SUDS3: variants seen among roughly 807,000 people sequenced by gnomAD.
SUDS3 encodes the protein SIN3A corepressor complex component SDS3, also known as sin3 histone deacetylase corepressor complex component SDS3.
A neutral mutation model predicts 53.5 loss-of-function variants in SUDS3; 23 were observed. That is an observed-to-expected ratio of 0.43 (90% CI 0.31 to 0.61). The LOEUF is 0.61. Among genes scored for constraint, SUDS3 ranks in the 20% least tolerant of loss-of-function variants. The pLI, the probability that SUDS3 is intolerant of heterozygous loss-of-function variation, is 0.10. For missense variants in SUDS3, 291 were observed against 405.9 expected (o/e 0.72, Z 2.43); for synonymous variants, 150 against 148.5 (o/e 1.01, Z -0.08).
rs932022535 is a variant in SUDS3, at chr12:118,417,404, A to G, written c.*2971A>G. 3.3e-5 allele frequency: 5 copies of G among 152,124 alleles called. No individual in the cohort carries two copies. Among genetic ancestry groups the G allele is most frequent in the African/African-American group, 1.2e-4 (5 of 41,500 alleles). 9.4% of individuals were successfully genotyped at this position (152,124 alleles called of 1,614,324 possible). ...CTGGAGAGAAGATTGTATTTTTTAC[A>G]GTTTTTTGGGTTTGGCTTCCTTCTC... On this transcript the variant is annotated 3_prime_UTR_variant, in exon 12 of 12. Transcript: ENST00000543473.
At chr12:118,410,216 G>A (rs2046346142) in intron 10 of SUDS3, among the ~76,000 whole-genome samples, 2 of 152,220 alleles carry the variant, frequency 1.3e-5, no homozygotes, top group African/African-American at 4.8e-5. Context: ...TGCTTAATGA[G>A]TATTTTTGAA....
intron 2 of SUDS3, among the ~76,000 whole-genome samples, chr12:118,381,814 C>T (rs866224448): frequency 2.0e-5 from 3 of 152,192 alleles, no homozygotes; most frequent in Admixed American, 6.5e-5. Flanking sequence ...TCACTTTTAG[C>T]GTACACCCAG....
chr12:118,414,126 C>T (rs556040649), intron 11 of SUDS3, among the ~76,000 whole-genome samples: 1 of 152,316 alleles, frequency 6.6e-6, no homozygotes, highest in East Asian at 1.9e-4. Flanking sequence ...GAAACGAGTT[C>T]AAGGCTGATG....
At chr12:118,379,509 G>C (rs1162620654) in intron 1 of SUDS3, among the ~76,000 whole-genome samples, 2 of 152,174 alleles carry the variant, frequency 1.3e-5, no homozygotes, top group Non-Finnish European at 2.9e-5. Flanking sequence ...TCAGAGACTT[G>C]AGCAGCTGAG....
chr12:118,409,105 C>T (rs1306571078), intron 10 of SUDS3, among the ~76,000 whole-genome samples: 1 of 151,766 alleles, frequency 6.6e-6, no homozygotes, highest in Non-Finnish European at 1.5e-5. Context: ...AACTTTAAAA[C>T]TTGCATTTAA....
Position 118,408,726 on chromosome 12 carries a change from G to C in SUDS3, c.804-2347G>C, listed in dbSNP as rs570243673. Among the ~76,000 whole-genome samples the C allele has an allele frequency of 4.0e-5, 6 of 151,400 alleles. No homozygotes were observed. The East Asian group carries it at 1.2e-3, about 29-fold the overall frequency. The stretch of plus-strand genomic sequence containing the variant: ...TTTTACCTACCAGTATATGGAGCAT[G>C]TTTCCACACTCGTAATATTCTACAC... On this transcript the variant is annotated intron_variant, in intron 10 of 11. Coordinates refer to ENST00000543473, the MANE Select transcript of SUDS3 (RefSeq NM_022491.3).
rs2046397880 is a variant in SUDS3 at position 118,416,034 on chromosome 12, C to T, written c.*1601C>T. 1 of 151,824 alleles carries T rather than the reference C, an allele frequency of 6.6e-6. No individual in the cohort carries two copies. Among genetic ancestry groups the T allele is most frequent in the Non-Finnish European group, 1.5e-5 (1 of 67,980 alleles). The allele number at this position is 151,824 out of a possible 1,614,324, so 9.4% of individuals were successfully genotyped here. ...TGTATTTCTTCTCTGCCCTCCAATC[C>T]CCGACTGCTATGATGTTTACTACAG... On this transcript the variant is annotated 3_prime_UTR_variant, in exon 12 of 12. Transcript: ENST00000543473.
chr12:118,390,907 C>T (rs1406662473), intron 5 of SUDS3: 1 of 621,628 alleles, frequency 1.6e-6, no homozygotes, highest in East Asian at 3.1e-5. Flanking sequence ...GAAAAAATAT[C>T]TGGGTAGCAA....
chr12:118,383,795 G>T (rs1410968687), intron 2 of SUDS3, among the ~76,000 whole-genome samples: 3 of 152,210 alleles, frequency 2.0e-5, no homozygotes, highest in Non-Finnish European at 4.4e-5. Flanking sequence ...TACAAAATTA[G>T]AATAAGATTG....
At chr12:118,398,808 T>A (rs61943402) in intron 6 of SUDS3, among the ~76,000 whole-genome samples, 8 of 152,024 alleles carry the variant, frequency 5.3e-5, no homozygotes, top group Non-Finnish European at 1.2e-4. Context: ...TATGCACCCC[T>A]ACTGTGCCAG....
chr12:118,413,833 A>G (rs2046378454), intron 11 of SUDS3, among the ~76,000 whole-genome samples: 2 of 152,112 alleles, frequency 1.3e-5, no homozygotes, highest in South Asian at 4.1e-4. Context: ...ATTAGTGGGC[A>G]TTTTTCTATT....
chr12:118,387,174 G>A (rs1449073585), intron 4 of SUDS3, among the ~76,000 whole-genome samples: 2 of 152,178 alleles, frequency 1.3e-5, no homozygotes, highest in Admixed American at 6.6e-5. Flanking sequence ...GCTATTAGCT[G>A]TCTGCCTTTC....
chr12:118,403,460 C>T lies in SUDS3; in HGVS notation c.746C>T (p.Pro249Leu), dbSNP rs764768024. ...TTGCCTGCAACACCCGCGGAATCTC[C>T]AGCCCAGAGGTTCGAAGCTCGGATA... ...EHLPATPAESPAQRFEARIED... is the reference protein window; with the variant it reads ...EHLPATPAESLAQRFEARIED... Residue 249 changes from proline (P) to leucine (L), a missense_variant, in exon 10 of 12, where the codon CCA becomes CTA. This residue lies in a region of SUDS3 where 77 missense variants were observed against 87.1 expected (regional missense o/e 0.88). Transcript: ENST00000543473. 3 of 1,613,772 alleles carry T rather than the reference C, an allele frequency of 1.9e-6. No individual in the cohort carries two copies. The highest frequency in any genetic ancestry group is 4.5e-5 in the East Asian group (2 of 44,878).
chr12:118,398,851 A>G (rs2141379107), intron 6 of SUDS3, among the ~76,000 whole-genome samples: 1 of 152,228 alleles, frequency 6.6e-6, no homozygotes, highest in East Asian at 1.9e-4. Flanking sequence ...GAATTCAGAC[A>G]TCCAAAGGGG....
chr12:118,413,972 T>C (rs1219775129), intron 11 of SUDS3, among the ~76,000 whole-genome samples: 3 of 152,224 alleles, frequency 2.0e-5, no homozygotes, highest in Non-Finnish European at 4.4e-5. Flanking sequence ...TGAAAGTTTG[T>C]GTTTATGAAT....
intron 4 of SUDS3, among the ~76,000 whole-genome samples, chr12:118,386,527 G>A (rs2055534): frequency 0.11 from 17,453 of 152,018 alleles, 1,263 homozygotes; most frequent in Middle Eastern, 0.19. Flanking sequence ...AAGGATTGTA[G>A]GTTGTTTTTG....
At chr12:118,377,377 A>G (rs1335264165) in intron 1 of SUDS3, among the ~76,000 whole-genome samples, 2 of 152,158 alleles carry the variant, frequency 1.3e-5, no homozygotes, top group Admixed American at 1.3e-4. Context: ...TCCAGCCTCG[A>G]TTTACCCAAC....
intron 1 of SUDS3, among the ~76,000 whole-genome samples, chr12:118,377,754 G>C (rs2046014671): frequency 6.6e-6 from 1 of 152,166 alleles, no homozygotes; most frequent in Admixed American, 6.5e-5. Flanking sequence ...AAGAGAGACC[G>C]ATATATGAGC....
chr12:118,395,336 C>T (rs962120782), intron 6 of SUDS3, among the ~76,000 whole-genome samples: 1 of 150,608 alleles, frequency 6.6e-6, no homozygotes, highest in Non-Finnish European at 1.5e-5. Flanking sequence ...CGCCATTCTC[C>T]TGCCTCAACC....
Sources: allele counts gnomAD v4.1 joint callset (sites outside exome capture counted in the v4.1 genomes callset), GRCh38; gene constraint gnomAD v4.1.1; regional missense constraint gnomAD v4.1.1; transcripts MANE v1.5; gene names NCBI Gene and HGNC (gene_info 2026-07-23, HGNC 2026-07-21).